The following AKAP6 variants were observed in gnomAD, a reference collection of about 807,000 sequenced individuals.
AKAP6 encodes A-kinase anchoring protein 6.
In AKAP6, 58 loss-of-function variants were observed where a neutral mutation model predicts 188.5. The ratio of observed to expected loss-of-function variants is 0.31; its 90% CI spans 0.25 to 0.38. AKAP6 has a LOEUF of 0.38. Ranked by LOEUF, AKAP6 falls within the 10% of genes least tolerant of loss-of-function variation. The pLI, the probability that AKAP6 is intolerant of heterozygous loss-of-function variation, is 1.00. For missense variants in AKAP6, 2,710 were observed against 2,740.0 expected (o/e 0.99, Z 0.24); for synonymous variants, 989 against 998.6 (o/e 0.99, Z 0.18).
chr14:32,717,535 A>G (rs1004965409), intron 9 of AKAP6, among the ~76,000 whole-genome samples: 4 of 151,652 alleles, frequency 2.6e-5, no homozygotes, highest in Non-Finnish European at 4.4e-5. Context: ...CCATGCATCT[A>G]TGCATCTCCA....
At chr14:32,629,203 C>T (rs1239620400) in intron 7 of AKAP6, among the ~76,000 whole-genome samples, 1 of 151,920 alleles carries the variant, frequency 6.6e-6, no homozygotes, top group Non-Finnish European at 1.5e-5. Flanking sequence ...TATGAAGATT[C>T]GCTGTTAAGT....
At chr14:32,764,564 A>T (rs1003469992) in intron 11 of AKAP6, among the ~76,000 whole-genome samples, 8 of 152,194 alleles carry the variant, frequency 5.3e-5, no homozygotes, top group Non-Finnish European at 8.8e-5. Context: ...GTTTTTGTGA[A>T]TCAGCTTTGG....
chr14:32,827,434 A>G (rs534462011), intron 13 of AKAP6, among the ~76,000 whole-genome samples: 1 of 152,160 alleles, frequency 6.6e-6, no homozygotes, highest in South Asian at 2.1e-4. Flanking sequence ...AGAATAGCAG[A>G]TAGAGTCTGC....
chr14:32,451,784 A>G (rs1890941674), intron 2 of AKAP6, among the ~76,000 whole-genome samples: 1 of 152,054 alleles, frequency 6.6e-6, no homozygotes. Flanking sequence ...AAAAAAATGC[A>G]ATTTCTTAGT....
At chr14:32,387,980 A>AT (rs1351447927) in intron 1 of AKAP6, among the ~76,000 whole-genome samples, 2 of 151,378 alleles carry the variant, frequency 1.3e-5, no homozygotes, top group African/African-American at 4.8e-5. Context: ...CTGGTCCTGG[A>AT]TTTTTTTGTT....
intron 11 of AKAP6, 83 bp downstream of exon 11, chr14:32,735,965 C>T: frequency 2.9e-6 from 3 of 1,047,478 alleles, no homozygotes; most frequent in South Asian, 1.6e-5. Flanking sequence ...AAGTATTATA[C>T]CCATGTATCT....
chr14:32,354,295 C>CA (rs796950806), intron 1 of AKAP6, among the ~76,000 whole-genome samples: 9,898 of 136,084 alleles, frequency 0.073, 414 homozygotes, highest in South Asian at 0.14. Flanking sequence ...AGCCCTGTCT[C>CA]AAAAAAAAAA....
intron 8 of AKAP6, among the ~76,000 whole-genome samples, chr14:32,689,986 G>T (rs73264891): frequency 0.025 from 3,734 of 151,416 alleles, 155 homozygotes; most frequent in African/African-American, 0.084. Context: ...ATAGACAGGT[G>T]GTATTTCAGG....
intron 3 of AKAP6, among the ~76,000 whole-genome samples, chr14:32,539,276 T>C (rs1476625531): frequency 2.0e-5 from 3 of 152,192 alleles, no homozygotes; most frequent in African/African-American, 4.8e-5. Flanking sequence ...GATTGAGAAC[T>C]TACCATGTGC....
At chr14:32,527,461 C>G (rs1882191377) in intron 2 of AKAP6, among the ~76,000 whole-genome samples, 1 of 152,116 alleles carries the variant, frequency 6.6e-6, no homozygotes, top group African/African-American at 2.4e-5. Context: ...GTTTTCAACT[C>G]CTTTGGGTAA....
At chr14:32,408,143 C>T (rs898619749) in intron 1 of AKAP6, among the ~76,000 whole-genome samples, 1 of 152,082 alleles carries the variant, frequency 6.6e-6, no homozygotes, top group Non-Finnish European at 1.5e-5. Flanking sequence ...TTCTGTTTGC[C>T]ACACCATGGC....
chr14:32,767,421 C>G (rs936958027), intron 11 of AKAP6, among the ~76,000 whole-genome samples: 1 of 152,026 alleles, frequency 6.6e-6, no homozygotes, highest in African/African-American at 2.4e-5. Flanking sequence ...TTGTTTCCAG[C>G]CTCTCATCAT....
intron 1 of AKAP6, among the ~76,000 whole-genome samples, chr14:32,364,392 T>A (rs564317584): frequency 6.6e-6 from 1 of 152,262 alleles, no homozygotes; most frequent in Admixed American, 6.5e-5. Context: ...TTGCTGCTGA[T>A]GGGCAGGGGC....
chr14:32,822,489 T>A lies in AKAP6; in HGVS notation c.4676T>A (p.Leu1559His), dbSNP rs2034554031. 6.2e-7 allele frequency: 1 copy of A among 1,613,982 alleles called. No individual in the cohort carries two copies. The highest frequency in any genetic ancestry group is 1.3e-5 in the African/African-American group (1 of 75,024). ...TFTGMQNAKQ[L>H]SLLSHSSSIE... is the part of the protein sequence containing the mutation. ...ACTGGCATGCAGAATGCCAAACAGC[T>A]CTCCCTTTTATCTCATAGTTCATCT... The change falls in exon 13 of 14, where the codon CTC becomes CAC. Residue 1559 changes from leucine to histidine, a missense_variant. This residue lies in a region of AKAP6 where 2,473 missense variants were observed against 2,426.1 expected (regional missense o/e 1.02). Coordinates refer to ENST00000280979, the MANE Select transcript of AKAP6 (RefSeq NM_004274.5).
intron 9 of AKAP6, among the ~76,000 whole-genome samples, chr14:32,703,756 T>A (rs1447109843): frequency 6.6e-6 from 1 of 152,164 alleles, no homozygotes; most frequent in Non-Finnish European, 1.5e-5. Flanking sequence ...ATGAGATAAG[T>A]TTATTCCAAT....
At chr14:32,330,096 T>C (rs1476877359) in intron 1 of AKAP6, among the ~76,000 whole-genome samples, 1 of 152,096 alleles carries the variant, frequency 6.6e-6, no homozygotes, top group Admixed American at 6.6e-5. Flanking sequence ...GCTGGAGTTG[T>C]TTGCAGGCTG....
chr14:32,591,251 G>T (rs530254588), intron 5 of AKAP6, among the ~76,000 whole-genome samples: 44 of 152,244 alleles, frequency 2.9e-4, no homozygotes, highest in African/African-American at 1.0e-3. Context: ...CAGAACCTCT[G>T]TTTGGGAATC....
chr14:32,620,258 T>A (rs1886760252), intron 7 of AKAP6, among the ~76,000 whole-genome samples: 1 of 152,158 alleles, frequency 6.6e-6, no homozygotes, highest in South Asian at 2.1e-4. Context: ...CCAGGGGGAA[T>A]GTTTTCAACT....
In AKAP6 at chr14:32,820,891, A is replaced by G. The variant is rs76266722; in HGVS notation, c.3589-511A>G. ...TGAAGTGCTCTACATGGTGGCTACA[A>G]CTCTATTTTAAGTCCCCAGGCAAAA... On this transcript the variant is annotated intron_variant, in intron 12 of 13. Coordinates refer to ENST00000280979, the MANE Select transcript of AKAP6 (RefSeq NM_004274.5). Among the ~76,000 whole-genome samples the G allele has an allele frequency of 1.3e-3, 197 of 152,222 alleles. 3 individuals carry two copies. In the East Asian group the frequency reaches 0.034, roughly 27 times the overall value.
Sources: gnomAD v4.1 joint callset for allele counts (sites outside exome capture counted in the v4.1 genomes callset) on GRCh38, gnomAD v4.1.1 for gene constraint, gnomAD v4.1.1 regional missense constraint, MANE v1.5 for transcripts, NCBI Gene and HGNC (gene_info 2026-07-23, HGNC 2026-07-21) for gene names.